ABHD17C: variants seen among roughly 807,000 people sequenced by gnomAD.
ABHD17C encodes abhydrolase domain containing 17C, depalmitoylase.
ABHD17C carries 11 observed loss-of-function variants against 27.9 expected under a neutral mutation model. The observed-to-expected ratio is 0.39, with a 90% CI of 0.25 to 0.65. The LOEUF (loss-of-function observed/expected upper bound fraction) is 0.65, where lower values mean the gene tolerates loss of function less well. ABHD17C is among the 30% of genes least tolerant of loss of function. The pLI, the probability that ABHD17C is intolerant of heterozygous loss-of-function variation, is 0.45. For missense variants in ABHD17C, 280 were observed against 470.2 expected, an observed-to-expected ratio of 0.60 and a Z score of 3.74; for synonymous variants, 233 against 209.1, an observed-to-expected ratio of 1.11 and a Z score of -0.98.
chr15:80,712,425 A>T (rs1159203349), intron 1 of ABHD17C, among the ~76,000 whole-genome samples: 1 of 152,212 alleles, frequency 6.6e-6, no homozygotes, highest in Non-Finnish European at 1.5e-5. Flanking sequence ...TGTGTAGCCC[A>T]GCCAAGGAGG....
chr15:80,725,338 C>T (rs1894957881), intron 1 of ABHD17C, among the ~76,000 whole-genome samples: 3 of 152,140 alleles, frequency 2.0e-5, no homozygotes, highest in South Asian at 4.1e-4. Flanking sequence ...TGGGCTGTTG[C>T]AGACATGGGA....
At chr15:80,751,463 C>G (rs1192354438) in intron 2 of ABHD17C, among the ~76,000 whole-genome samples, 3 of 152,146 alleles carry the variant, frequency 2.0e-5, no homozygotes, top group African/African-American at 7.2e-5. Context: ...AATTAGAGGA[C>G]AGGCACAGTG....
In ABHD17C at chr15:80,695,827, A is replaced by C. The variant is rs755990261; in HGVS notation, c.398A>C (p.Tyr133Ser). ...MFVRCAPSSR[Y>S]TLLFSHGNAV... Reference sequence around the variant, plus strand: ...GTGCGCTGCGCGCCCTCCAGCCGCTACACGCTGCTCTTCTCGCACGGCAAC... The same window carrying C: ...GTGCGCTGCGCGCCCTCCAGCCGCTCCACGCTGCTCTTCTCGCACGGCAAC... Residue 133 changes from tyrosine to serine, a missense_variant, in exon 1 of 3, where the codon TAC (tyrosine) becomes TCC (serine). Coordinates refer to ENST00000258884, the MANE Select transcript of ABHD17C (RefSeq NM_021214.2). This position sits in a 1 kb window ranked among gnomAD's most constrained non-coding sequence, Gnocchi z 4.3. The C allele has an allele frequency of 6.3e-7, 1 of 1,583,146 alleles. No individual in the cohort carries two copies. The highest frequency in any genetic ancestry group is 8.5e-7 in the Non-Finnish European group (1 of 1,173,174).
intron 1 of ABHD17C, among the ~76,000 whole-genome samples, chr15:80,728,108 T>A (rs1895007461): frequency 6.6e-6 from 1 of 152,192 alleles, no homozygotes; most frequent in Non-Finnish European, 1.5e-5. Flanking sequence ...ATGGAGCTGG[T>A]GGCACCACCT....
At chr15:80,704,197 A>G (rs916024992) in intron 1 of ABHD17C, among the ~76,000 whole-genome samples, 1 of 152,188 alleles carries the variant, frequency 6.6e-6, no homozygotes, top group Non-Finnish European at 1.5e-5. Context: ...CCACATTCGT[A>G]TTTGTGAGAT....
chr15:80,733,018 A>G (rs1276024534), intron 1 of ABHD17C, among the ~76,000 whole-genome samples: 1 of 151,996 alleles, frequency 6.6e-6, no homozygotes, highest in Non-Finnish European at 1.5e-5. Context: ...TGTCAGTTTC[A>G]CTCACTGCCT....
Position 80,696,039 on chromosome 15 carries a change from C to CA in ABHD17C, c.590+21dup. ...CACCCGGTGAGCCTGCCGGGGTCGC[C>CA]AGGCCTGACTTCCAGCTGTGGGGAG... On this transcript the variant is annotated intron_variant, in intron 1 of 2. Transcript: ENST00000258884. The CA allele has an allele frequency of 6.5e-7, 1 of 1,537,578 alleles. No homozygotes were observed. The highest frequency in any genetic ancestry group is 8.7e-7 in the Non-Finnish European group (1 of 1,144,268).
At chr15:80,698,542 G>A (rs901182691) in intron 1 of ABHD17C, among the ~76,000 whole-genome samples, 2 of 152,146 alleles carry the variant, frequency 1.3e-5, no homozygotes, top group Admixed American at 6.5e-5. Context: ...GGGCACCATT[G>A]CCACGGTAAG....
At chr15:80,705,366 T>TGTGTGTGTGTGTGTGTG (rs1300324609) in intron 1 of ABHD17C, among the ~76,000 whole-genome samples, 2 of 150,680 alleles carry the variant, frequency 1.3e-5, no homozygotes, top group Non-Finnish European at 3.0e-5. Flanking sequence ...TGTGTGTGTG[T>TGTGTGTGTGTGTGTGTG]GGTTAGGAGC....
At chr15:80,744,700 T>A (rs970851604) in intron 1 of ABHD17C, among the ~76,000 whole-genome samples, 9 of 152,212 alleles carry the variant, frequency 5.9e-5, no homozygotes, top group African/African-American at 1.9e-4. Context: ...AGTCACTGCC[T>A]AATAACTAAA....
chr15:80,731,373 A>C (rs1469398014), intron 1 of ABHD17C, among the ~76,000 whole-genome samples: 1 of 152,224 alleles, frequency 6.6e-6, no homozygotes, highest in African/African-American at 2.4e-5. Context: ...AGGATGGCAG[A>C]CTTATGCTTT....
chr15:80,701,850 G>A (rs780079058), intron 1 of ABHD17C, among the ~76,000 whole-genome samples: 29 of 152,266 alleles, frequency 1.9e-4, no homozygotes, highest in Admixed American at 3.9e-4. Flanking sequence ...GGCATAGTCC[G>A]TTTTGGGGAT....
In ABHD17C at chr15:80,754,716, C is replaced by A; in HGVS notation, c.*346C>A. ...TTCTGACATTCATGCAGGACTTGCCCTGTTGCCACCAATGTTCTCGGTATT... is the reference window on the plus strand; with the variant it reads ...TTCTGACATTCATGCAGGACTTGCCATGTTGCCACCAATGTTCTCGGTATT... On this transcript the variant is annotated 3_prime_UTR_variant, in exon 3 of 3. Transcript: ENST00000258884. The A allele has an allele frequency of 1.0e-5, 2 of 192,654 alleles. No homozygotes were observed. Among genetic ancestry groups the A allele is most frequent in the African/African-American group, 4.7e-5 (2 of 43,004 alleles). 11.9% of individuals were successfully genotyped at this position (192,654 alleles called of 1,614,324 possible).
chr15:80,718,700 C>G (rs1306384166), intron 1 of ABHD17C, among the ~76,000 whole-genome samples: 1 of 152,184 alleles, frequency 6.6e-6, no homozygotes. Flanking sequence ...CCTTAATATT[C>G]AATCTTGGTT....
chr15:80,734,378 T>C (rs532601975), intron 1 of ABHD17C, among the ~76,000 whole-genome samples: 1 of 152,194 alleles, frequency 6.6e-6, no homozygotes, highest in Non-Finnish European at 1.5e-5. Flanking sequence ...TGTGCAGTTG[T>C]AGAGAGAAGG....
At chr15:80,724,756 C>G (rs987013701) in intron 1 of ABHD17C, among the ~76,000 whole-genome samples, 5 of 152,218 alleles carry the variant, frequency 3.3e-5, no homozygotes, top group East Asian at 1.9e-4. Flanking sequence ...TTTTCTCCCC[C>G]TCCTCCTCCT....
chr15:80,735,332 C>G (rs1020922615), intron 1 of ABHD17C, among the ~76,000 whole-genome samples: 1 of 152,180 alleles, frequency 6.6e-6, no homozygotes, highest in African/African-American at 2.4e-5. Context: ...TCCCAACCTC[C>G]CAATTTGTGC....
At chr15:80,707,228 G>A (rs1174552038) in intron 1 of ABHD17C, among the ~76,000 whole-genome samples, 2 of 152,196 alleles carry the variant, frequency 1.3e-5, no homozygotes, top group Non-Finnish European at 2.9e-5. Context: ...AAATGGGAAA[G>A]TGTGGATGAT....
At chr15:80,740,159 C>T (rs1895189665) in intron 1 of ABHD17C, among the ~76,000 whole-genome samples, 1 of 152,146 alleles carries the variant, frequency 6.6e-6, no homozygotes, top group African/African-American at 2.4e-5. Flanking sequence ...CTGTGGTAGA[C>T]TTGACCTCAT....
Sources: gnomAD v4.1 joint callset for allele counts (sites outside exome capture counted in the v4.1 genomes callset) on GRCh38, gnomAD v4.1.1 for gene constraint, Gnocchi (gnomAD v3.1) non-coding constraint, MANE v1.5 for transcripts, NCBI Gene and HGNC (gene_info 2026-07-23, HGNC 2026-07-21) for gene names.